Variants in SLC24A4 observed in about 807,000 individuals in gnomAD.
SLC24A4 encodes the protein solute carrier family 24 member 4, also known as sodium/potassium/calcium exchanger 4.
SLC24A4 carries 53 observed loss-of-function variants against 79.0 expected under a neutral mutation model. The ratio of observed to expected loss-of-function variants is 0.67; its 90% CI spans 0.54 to 0.84. SLC24A4 has a LOEUF of 0.84. SLC24A4 is among the 40% of genes least tolerant of loss of function. The pLI, the probability that SLC24A4 is intolerant of heterozygous loss-of-function variation, is 0.00. For synonymous variants in SLC24A4, 323 were observed against 323.8 expected (o/e 1.00, Z 0.03); for missense variants, 731 against 822.0 (o/e 0.89, Z 1.35).
chr14:92,324,511 G>A (rs1402243239), intron 1 of SLC24A4, among the ~76,000 whole-genome samples: 1 of 152,238 alleles, frequency 6.6e-6, no homozygotes, highest in African/African-American at 2.4e-5. Flanking sequence ...AACTCCCACG[G>A]AGGGAGAAGG....
chr14:92,341,430 C>T (rs903028102), intron 2 of SLC24A4, among the ~76,000 whole-genome samples: 3 of 152,136 alleles, frequency 2.0e-5, no homozygotes, highest in South Asian at 4.1e-4. Context: ...TGGAAACTCC[C>T]CAGAGACCTG....
rs75321153 is a variant in SLC24A4 at position 92,371,360 on chromosome 14, C to A, written c.241+45382C>A. Among the ~76,000 whole-genome samples, 902 of 152,214 alleles carry A rather than the reference C, an allele frequency of 5.9e-3. 12 individuals carry two copies. Among genetic ancestry groups the A allele is most frequent in the African/African-American group, 0.021 (879 of 41,528 alleles). ...GGATACCTACAACTACAAAAAGATA[C>A]CTGGGACCAGACACGTCCATTGTGG... On this transcript the variant is annotated intron_variant, in intron 2 of 16. Coordinates refer to ENST00000532405, the MANE Select transcript of SLC24A4 (RefSeq NM_153646.4).
At chr14:92,406,828 A>G (rs1890411548) in intron 2 of SLC24A4, among the ~76,000 whole-genome samples, 1 of 151,922 alleles carries the variant, frequency 6.6e-6, no homozygotes, top group Non-Finnish European at 1.5e-5. Context: ...CCCTGGAGAC[A>G]TTTTCCCCAT....
intron 13 of SLC24A4, among the ~76,000 whole-genome samples, chr14:92,485,400 G>C (rs571194959): frequency 5.9e-5 from 9 of 152,134 alleles, no homozygotes; most frequent in Non-Finnish European, 1.0e-4. Flanking sequence ...GAGAGGTTGA[G>C]GCCACAGTGA....
At chr14:92,409,975 A>G (rs971919283) in intron 2 of SLC24A4, among the ~76,000 whole-genome samples, 2 of 152,206 alleles carry the variant, frequency 1.3e-5, no homozygotes, top group Non-Finnish European at 2.9e-5. Flanking sequence ...TTCACTTATA[A>G]GTGAGAGCTA....
intron 2 of SLC24A4, among the ~76,000 whole-genome samples, chr14:92,406,459 C>A (rs1890382077): frequency 6.6e-6 from 1 of 152,200 alleles, no homozygotes. Flanking sequence ...CTCTGCATGG[C>A]CCTAGTAGAG....
intron 2 of SLC24A4, among the ~76,000 whole-genome samples, chr14:92,388,213 T>C (rs906279915): frequency 2.0e-5 from 3 of 152,216 alleles, no homozygotes; most frequent in Non-Finnish European, 4.4e-5. Context: ...TGCCTTGTAC[T>C]GTTTTCCTCT....
intron 2 of SLC24A4, among the ~76,000 whole-genome samples, chr14:92,409,229 G>C (rs1392267367): frequency 1.3e-5 from 2 of 152,222 alleles, no homozygotes; most frequent in East Asian, 3.8e-4. Context: ...CACAACTCCA[G>C]AGAGGAAGAG....
chr14:92,351,913 A>G (rs58695598), intron 2 of SLC24A4, among the ~76,000 whole-genome samples: 10,596 of 88,776 alleles, frequency 0.12, 498 homozygotes, highest in Non-Finnish European at 0.19. Context: ...AAGGAAGGAA[A>G]GGAAGGAAAG....
At chr14:92,365,611 A>T (rs181237134) in intron 2 of SLC24A4, among the ~76,000 whole-genome samples, 1 of 152,294 alleles carries the variant, frequency 6.6e-6, no homozygotes, top group East Asian at 1.9e-4. Flanking sequence ...ACAGTGTGAC[A>T]TGTTGGTGAC....
chr14:92,337,494 C>T (rs774200207), intron 2 of SLC24A4, among the ~76,000 whole-genome samples: 1 of 152,174 alleles, frequency 6.6e-6, no homozygotes, highest in African/African-American at 2.4e-5. Context: ...TCTAGCCTGT[C>T]GGTGCCTTGG....
At chr14:92,421,342 T>C (rs1351896368) in intron 2 of SLC24A4, among the ~76,000 whole-genome samples, 1 of 152,186 alleles carries the variant, frequency 6.6e-6, no homozygotes, top group Non-Finnish European at 1.5e-5. Flanking sequence ...GGCATTTTCA[T>C]CACCCTAGAA....
At chr14:92,384,114 G>A (rs565114703) in intron 2 of SLC24A4, among the ~76,000 whole-genome samples, 1 of 152,256 alleles carries the variant, frequency 6.6e-6, no homozygotes, top group East Asian at 1.9e-4. Context: ...TTGCCTGGTG[G>A]TTGTTTTCCC....
At chr14:92,434,243 T>C (rs1892042834) in intron 3 of SLC24A4, among the ~76,000 whole-genome samples, 1 of 152,190 alleles carries the variant, frequency 6.6e-6, no homozygotes, top group Non-Finnish European at 1.5e-5. Context: ...TTTCTGCTTT[T>C]GTAAAACAGG....
intron 2 of SLC24A4, among the ~76,000 whole-genome samples, chr14:92,331,933 C>T (rs978096998): frequency 6.6e-6 from 1 of 152,146 alleles, no homozygotes; most frequent in African/African-American, 2.4e-5. Context: ...CTCTAGCTTA[C>T]TCTATGTAAG....
chr14:92,366,277 C>G (rs948105997), intron 2 of SLC24A4, among the ~76,000 whole-genome samples: 1 of 152,216 alleles, frequency 6.6e-6, no homozygotes, highest in Admixed American at 6.5e-5. Context: ...GGGCGTGGTC[C>G]TGCTGGTGTA....
chr14:92,324,488 C>T (rs1218123150), intron 1 of SLC24A4, among the ~76,000 whole-genome samples: 1 of 152,248 alleles, frequency 6.6e-6, no homozygotes, highest in Non-Finnish European at 1.5e-5. Flanking sequence ...CATCGCGTCT[C>T]TCAACTCCCC....
chr14:92,476,433 A>G (rs1894767881), intron 12 of SLC24A4, among the ~76,000 whole-genome samples: 1 of 150,836 alleles, frequency 6.6e-6, no homozygotes, highest in Non-Finnish European at 1.5e-5. Flanking sequence ...TCTCTTGGCT[A>G]ATTATTATAA....
At chr14:92,403,435 G>A (rs948106403) in intron 2 of SLC24A4, among the ~76,000 whole-genome samples, 5 of 151,838 alleles carry the variant, frequency 3.3e-5, no homozygotes, top group African/African-American at 1.2e-4. Flanking sequence ...GTGAAACCCC[G>A]TCTCTACTAA....
Sources: allele counts gnomAD v4.1 joint callset (sites outside exome capture counted in the v4.1 genomes callset), GRCh38; gene constraint gnomAD v4.1.1; transcripts MANE v1.5; gene names NCBI Gene and HGNC (gene_info 2026-07-23, HGNC 2026-07-21).